Variants in TFG observed in about 807,000 individuals in gnomAD.
TFG encodes the protein trafficking from ER to golgi regulator, also known as protein TFG.
Under a neutral mutation model 51.4 loss-of-function variants are expected in TFG, and 22 were observed. The observed-to-expected ratio is 0.43, with a 90% CI of 0.31 to 0.61. The LOEUF (loss-of-function observed/expected upper bound fraction) is 0.61, where lower values mean the gene tolerates loss of function less well. Ranked by LOEUF, TFG falls within the 20% of genes least tolerant of loss-of-function variation. The pLI is 0.12. For synonymous variants in TFG, 187 were observed against 165.6 expected (o/e 1.13, Z -0.99); for missense variants, 419 against 487.7 (o/e 0.86, Z 1.33).
chr3:100,733,820 A>G (rs1390780737), intron 5 of TFG, among the ~76,000 whole-genome samples: 8 of 152,254 alleles, frequency 5.3e-5, no homozygotes, highest in Non-Finnish European at 1.2e-4. Flanking sequence ...AGCGCTCTCT[A>G]AAAGAAAAAG....
chr3:100,735,095 T>A (rs2095102915), intron 5 of TFG, among the ~76,000 whole-genome samples: 1 of 152,166 alleles, frequency 6.6e-6, no homozygotes, highest in Non-Finnish European at 1.5e-5. Context: ...AATAACAGTG[T>A]CTTTTGTGGG....
chr3:100,734,177 T>TA (rs200298775), intron 5 of TFG, among the ~76,000 whole-genome samples: 4,516 of 150,918 alleles, frequency 0.03, 184 homozygotes, highest in African/African-American at 0.093. Flanking sequence ...GAGTTTTTAA[T>TA]TTTTTTTTAA....
chr3:100,742,088 A>G (rs1229180211), intron 6 of TFG, among the ~76,000 whole-genome samples: 1 of 152,190 alleles, frequency 6.6e-6, no homozygotes, highest in Non-Finnish European at 1.5e-5. Context: ...AGATCTCTCA[A>G]GTATGTGAAG....
chr3:100,747,174 A>C (rs2095137056), intron 7 of TFG, among the ~76,000 whole-genome samples: 1 of 152,144 alleles, frequency 6.6e-6, no homozygotes, highest in African/African-American at 2.4e-5. Flanking sequence ...TTGGAGACTA[A>C]GAGGTGGTGG....
Position 100,736,580 on chromosome 3 carries a change from A to C in TFG, c.585A>C (p.Pro195=), listed in dbSNP as rs1203383604. The change falls in exon 6 of 8, where the codon CCA becomes CCC. Residue 195 remains proline (P), a synonymous_variant. Transcript: ENST00000240851. ...FGLTDDQVSG[P]PSAPAEDRSG... ...GACTTTTTTTTGACTATCCAGGGCC[A>C]CCCAGTGCTCCTGCAGAAGATCGTT... 1 of 1,613,804 alleles carries C rather than the reference A, an allele frequency of 6.2e-7. No homozygotes were observed.
chr3:100,712,897 A>C lies in TFG; in HGVS notation c.-43-746A>C, dbSNP rs981239639. On this transcript the variant is annotated intron_variant, in intron 1 of 7. Coordinates refer to ENST00000240851, the MANE Select transcript of TFG (RefSeq NM_006070.6). ...TATCAGAAAGGGTCAAGACAAAGGGAAAACTTGAAGTATGGGAATAGCAGG... is the reference window on the plus strand; with the variant it reads ...TATCAGAAAGGGTCAAGACAAAGGGCAAACTTGAAGTATGGGAATAGCAGG... 2.0e-5 allele frequency among the ~76,000 whole-genome samples: 3 copies of C among 152,210 alleles called. 1 individual carries two copies. The highest frequency in any genetic ancestry group is 6.5e-5 in the Admixed American group (1 of 15,280).
intron 3 of TFG, among the ~76,000 whole-genome samples, chr3:100,723,692 T>G (rs750723468): frequency 6.6e-5 from 10 of 152,198 alleles, no homozygotes; most frequent in Non-Finnish European, 1.5e-4. Flanking sequence ...CTTATGCATG[T>G]TAGCTTTAGA....
intron 3 of TFG, among the ~76,000 whole-genome samples, chr3:100,722,154 A>C (rs1395889468): frequency 1.3e-5 from 2 of 152,236 alleles, no homozygotes; most frequent in Non-Finnish European, 2.9e-5. Context: ...CCATCTCAGA[A>C]AAAACAAAAC....
intron 3 of TFG, among the ~76,000 whole-genome samples, chr3:100,722,052 G>T (rs769693454): frequency 6.6e-6 from 1 of 152,194 alleles, no homozygotes. Flanking sequence ...TTGAGAGGCT[G>T]AGGCAGGAGA....
chr3:100,723,363 A>G (rs2095066018), intron 3 of TFG, among the ~76,000 whole-genome samples: 1 of 152,144 alleles, frequency 6.6e-6, no homozygotes. Flanking sequence ...TTCAGTAGAA[A>G]GTGGTGGCGG....
At chr3:100,740,197 A>G (rs2149091690) in intron 6 of TFG, among the ~76,000 whole-genome samples, 1 of 152,322 alleles carries the variant, frequency 6.6e-6, no homozygotes, top group East Asian at 1.9e-4. Flanking sequence ...ATCCCAAAAC[A>G]TAGATACTTA....
At chr3:100,717,670 A>G (rs1291344648) in intron 2 of TFG, among the ~76,000 whole-genome samples, 3 of 137,798 alleles carry the variant, frequency 2.2e-5, no homozygotes, top group African/African-American at 8.3e-5. Context: ...GGTTAATGGG[A>G]TTGCATTTTT....
chr3:100,736,606 C>T lies in TFG; in HGVS notation c.611C>T (p.Ser204Leu), dbSNP rs1417144975. ...GPPSAPAEDR[S>L]GTPDSIASSS... The stretch of plus-strand genomic sequence containing the variant: ...CCCAGTGCTCCTGCAGAAGATCGTT[C>T]AGGAACACCCGACAGCATTGCTTCC... Residue 204 changes from serine (S) to leucine (L), a missense_variant, in exon 6 of 8, where the codon TCA (serine) becomes TTA (leucine). This residue lies in a region of TFG where 391 missense variants were observed against 434.4 expected (regional missense o/e 0.90). Coordinates refer to ENST00000240851, the MANE Select transcript of TFG (RefSeq NM_006070.6). 6.2e-7 allele frequency: 1 copy of T among 1,613,894 alleles called. No homozygotes were observed. The highest frequency in any genetic ancestry group is 8.5e-7 in the Non-Finnish European group (1 of 1,179,938).
intron 4 of TFG, among the ~76,000 whole-genome samples, chr3:100,731,838 G>C (rs964268580): frequency 2.0e-5 from 3 of 152,074 alleles, no homozygotes; most frequent in African/African-American, 7.2e-5. Context: ...ATGAGCTGTT[G>C]CACCCGGCTC....
chr3:100,744,596 G>A, intron 6 of TFG: 2 of 348,800 alleles, frequency 5.7e-6, no homozygotes, highest in Non-Finnish European at 1.0e-5. Context: ...GTAGCCACTG[G>A]TGTTGCACTT....
intron 5 of TFG, among the ~76,000 whole-genome samples, chr3:100,734,607 CTTTTG>C (rs952228176): frequency 1.3e-4 from 20 of 152,038 alleles, no homozygotes; most frequent in South Asian, 2.1e-4. Flanking sequence ...CAAATAGTTT[CTTTTG>C]TTTTGTTCAT....
In TFG at chr3:100,720,280, TG is replaced by T. The variant is rs34860451; in HGVS notation, c.268+223del. On this transcript the variant is annotated intron_variant, in intron 3 of 7. Transcript: ENST00000240851. ...TTCAGTAAGAACAGAGTGTTAAGTA[TG>T]TTTTTTTTGAAATCAGGTATAACTT... 0.25 allele frequency among the ~76,000 whole-genome samples: 38,754 copies of T among 152,036 alleles called. 5,498 individuals carry two copies. The highest frequency in any genetic ancestry group is 0.51 in the East Asian group (2,608 of 5,160).
intron 1 of TFG, among the ~76,000 whole-genome samples, chr3:100,710,548 G>A (rs1362120556): frequency 6.6e-6 from 1 of 152,202 alleles, no homozygotes; most frequent in East Asian, 1.9e-4. Context: ...CCCTCAGGAG[G>A]TGCTTAAGCC....
intron 3 of TFG, among the ~76,000 whole-genome samples, chr3:100,720,533 T>C (rs2095057766): frequency 6.6e-6 from 1 of 152,216 alleles, no homozygotes; most frequent in Admixed American, 6.5e-5. Flanking sequence ...GATGAAACTC[T>C]TCCACTTTGC....
Sources: allele counts gnomAD v4.1 joint callset (sites outside exome capture counted in the v4.1 genomes callset), GRCh38; gene constraint gnomAD v4.1.1; regional missense constraint gnomAD v4.1.1; transcripts MANE v1.5; gene names NCBI Gene and HGNC (gene_info 2026-07-23, HGNC 2026-07-21).